Variants in RBFOX1 observed in about 807,000 individuals in gnomAD.
The protein encoded by RBFOX1 is RNA binding fox-1 homolog 1.
A neutral mutation model predicts 57.7 loss-of-function variants in RBFOX1; 8 were observed. The ratio of observed to expected loss-of-function variants is 0.14; its 90% confidence interval spans 0.08 to 0.25. The LOEUF (loss-of-function observed/expected upper bound fraction) is 0.25, where lower values mean the gene tolerates loss of function less well. RBFOX1 is among the 10% of genes least tolerant of loss of function. The probability of loss-of-function intolerance (pLI) is 1.00; values close to 1 mark genes in which losing one functional copy is unlikely to be tolerated. For synonymous variants in RBFOX1, 326 were observed against 222.4 expected (o/e 1.47, Z -4.15); for missense variants, 611 against 548.5 (o/e 1.11, Z -1.14).
At chr16:7,150,035 A>G (rs182865832) in intron 4 of RBFOX1, among the ~76,000 whole-genome samples, 1 of 151,638 alleles carries the variant, frequency 6.6e-6, no homozygotes, top group Admixed American at 6.6e-5. Flanking sequence ...AGAGATTACA[A>G]CTCTTAGGGG....
At chr16:6,713,897 A>G (rs2064224133) in intron 3 of RBFOX1, among the ~76,000 whole-genome samples, 1 of 152,204 alleles carries the variant, frequency 6.6e-6, no homozygotes, top group African/African-American at 2.4e-5. Flanking sequence ...TTGGACAGGA[A>G]GATATCATCC....
At chr16:6,775,204 C>T (rs897615094) in intron 3 of RBFOX1, among the ~76,000 whole-genome samples, 1 of 149,692 alleles carries the variant, frequency 6.7e-6, no homozygotes, top group South Asian at 2.1e-4. Flanking sequence ...TGGTGTGGTT[C>T]GGACGCCTGT....
At chr16:6,445,386 T>C (rs1401877488) in intron 2 of RBFOX1, among the ~76,000 whole-genome samples, 2 of 152,018 alleles carry the variant, frequency 1.3e-5, no homozygotes, top group Admixed American at 1.3e-4. Context: ...ATTGCCTTTA[T>C]GCATCTAAAG....
At chr16:6,957,955 C>T (rs1354233340) in intron 3 of RBFOX1, among the ~76,000 whole-genome samples, 1 of 152,120 alleles carries the variant, frequency 6.6e-6, no homozygotes, top group Non-Finnish European at 1.5e-5. Flanking sequence ...GCATCACTTC[C>T]AGCATATTCT....
At chr16:7,044,093 A>G (rs1018875029) in intron 3 of RBFOX1, among the ~76,000 whole-genome samples, 3 of 152,164 alleles carry the variant, frequency 2.0e-5, no homozygotes, top group African/African-American at 2.4e-5. Flanking sequence ...TAGCTCCAGT[A>G]GCCTTCTTTG....
chr16:5,995,894 C>T (rs2060482078), intron 4 of RBFOX1, among the ~76,000 whole-genome samples: 1 of 152,182 alleles, frequency 6.6e-6, no homozygotes, highest in South Asian at 2.1e-4. Context: ...TTATTTCTCA[C>T]AGTTCTGAGG....
chr16:7,396,238 C>T (rs144401855), intron 4 of RBFOX1, among the ~76,000 whole-genome samples: 1 of 152,156 alleles, frequency 6.6e-6, no homozygotes, highest in Non-Finnish European at 1.5e-5. Context: ...GGCAGTACAA[C>T]TGTCTACCTG....
At chr16:6,105,364 T>G (rs1265742459) in intron 1 of RBFOX1, among the ~76,000 whole-genome samples, 1 of 152,092 alleles carries the variant, frequency 6.6e-6, no homozygotes, top group Admixed American at 6.5e-5. Context: ...ACTCAAACTG[T>G]GACAATGTTT....
At chr16:7,210,392 T>A (rs1463925863) in intron 4 of RBFOX1, among the ~76,000 whole-genome samples, 1 of 152,156 alleles carries the variant, frequency 6.6e-6, no homozygotes, top group Non-Finnish European at 1.5e-5. Flanking sequence ...GTGTGGTCCT[T>A]CCTCACAGTT....
chr16:6,812,297 G>A (rs555045739), intron 3 of RBFOX1, among the ~76,000 whole-genome samples: 24 of 152,256 alleles, frequency 1.6e-4, no homozygotes, highest in Admixed American at 1.3e-4. Flanking sequence ...AAGCTAGGAC[G>A]GTCTACTAAC....
At chr16:5,581,184 A>G (rs770435296) in intron 2 of RBFOX1, among the ~76,000 whole-genome samples, 3 of 152,180 alleles carry the variant, frequency 2.0e-5, no homozygotes, top group Admixed American at 6.5e-5. Context: ...TCTGACAGAA[A>G]AGAAACTAGA....
At chr16:5,511,070 C>G (rs1179013035) in intron 2 of RBFOX1, among the ~76,000 whole-genome samples, 1 of 151,978 alleles carries the variant, frequency 6.6e-6, no homozygotes, top group Non-Finnish European at 1.5e-5. Context: ...ATGCAATTGG[C>G]CGTGAAAAAA....
intron 4 of RBFOX1, among the ~76,000 whole-genome samples, chr16:7,327,226 A>G (rs1443134956): frequency 3.9e-5 from 6 of 152,232 alleles, no homozygotes; most frequent in Admixed American, 3.3e-4. Flanking sequence ...AAGGAAGGGT[A>G]TTTCTGCATA....
At chr16:6,835,751 TTA>T (rs1491421964) in intron 3 of RBFOX1, among the ~76,000 whole-genome samples, 4 of 66,386 alleles carry the variant, frequency 6.0e-5, no homozygotes, top group Non-Finnish European at 1.1e-4. Context: ...AAGACTCTGC[TTA>T]AAAAAAAAAA....
intron 4 of RBFOX1, among the ~76,000 whole-genome samples, chr16:5,961,623 A>T (rs1336914015): frequency 6.6e-6 from 1 of 152,144 alleles, no homozygotes; most frequent in East Asian, 1.9e-4. Context: ...CAGTTCAAAC[A>T]ATCCTCCCAC....
At chr16:6,829,446 G>A (rs760019913) in intron 3 of RBFOX1, among the ~76,000 whole-genome samples, 2 of 148,784 alleles carry the variant, frequency 1.3e-5, no homozygotes, top group African/African-American at 5.0e-5. Flanking sequence ...GGTAAGTTTT[G>A]GGTCTGTCCA....
chr16:5,561,929 C>A (rs2045903374), intron 2 of RBFOX1, among the ~76,000 whole-genome samples: 1 of 152,178 alleles, frequency 6.6e-6, no homozygotes, highest in Non-Finnish European at 1.5e-5. Context: ...CAAGATAATT[C>A]TTTCGAGGGC....
At chr16:6,338,209 C>G (rs42212) in intron 2 of RBFOX1, among the ~76,000 whole-genome samples, 97,531 of 152,098 alleles carry the variant, frequency 0.64, 32,712 homozygotes, top group African/African-American at 0.84. Context: ...CACCTCTTCA[C>G]TTGAATACCT....
chr16:7,427,642 T>G (rs187569562), intron 4 of RBFOX1, among the ~76,000 whole-genome samples: 58 of 149,692 alleles, frequency 3.9e-4, no homozygotes, highest in Non-Finnish European at 6.3e-4. Flanking sequence ...TTTTTTTTAT[T>G]TTTATTTATT....
Sources: allele counts gnomAD v4.1 joint callset (sites outside exome capture counted in the v4.1 genomes callset), GRCh38; gene constraint gnomAD v4.1.1; transcripts MANE v1.5; gene names NCBI Gene and HGNC (gene_info 2026-07-23, HGNC 2026-07-21).